The following ZNF362 variants were observed in gnomAD, a reference collection of about 807,000 sequenced individuals.
The protein encoded by ZNF362 is rotund homolog.
A neutral mutation model predicts 42.9 loss-of-function variants in ZNF362; 11 were observed. The ratio of observed to expected loss-of-function variants is 0.26; its 90% CI spans 0.16 to 0.42. The LOEUF (loss-of-function observed/expected upper bound fraction) is 0.42, where lower values mean the gene tolerates loss of function less well. Ranked by LOEUF, ZNF362 falls within the 20% of genes least tolerant of loss-of-function variation. ZNF362 has a pLI of 1.00. For synonymous variants in ZNF362, 255 were observed against 257.3 expected (o/e 0.99, Z 0.09); for missense variants, 362 against 576.2 (o/e 0.63, Z 3.81).
At chr1:33,150,864 T>C in the ZNF362 span, among the ~76,000 whole-genome samples, 149,017 of 152,224 alleles carry the variant, frequency 0.98, 72,972 homozygotes, top group East Asian at 0.99. Context: ...GGTGTGACAG[T>C]GGAGGGGCAG....
At chr1:33,135,044 T>G in the ZNF362 span, among the ~76,000 whole-genome samples, 1 of 152,204 alleles carries the variant, frequency 6.6e-6, no homozygotes, top group African/African-American at 2.4e-5. Context: ...CCCAGCACTT[T>G]GGGAGCCGAT....
chr1:33,295,402 C>T, intron 8 of ZNF362, 97 bp downstream of exon 8: 8 of 1,414,626 alleles, frequency 5.7e-6, no homozygotes, highest in Non-Finnish European at 6.6e-6. Flanking sequence ...CGACTCTTCC[C>T]ATTTTCCAGA....
the ZNF362 span, chr1:33,146,885 A>AC: frequency 2.3e-6 from 1 of 430,224 alleles, no homozygotes; most frequent in Non-Finnish European, 4.2e-6. Flanking sequence ...CCTGCCCCTG[A>AC]GAAGATGGGG....
Position 33,279,805 on chromosome 1 carries a change from C to T in ZNF362, c.350-319C>T, listed in dbSNP as rs576222198. 1.3e-4 allele frequency among the ~76,000 whole-genome samples: 20 copies of T among 152,214 alleles called. 1 individual carries two copies. The highest frequency in any genetic ancestry group is 1.0e-3 in the South Asian group (5 of 4,822). ...GTAGAGGCAATTAATTGCTGTTTAC[C>T]GAATCCTTCCCTAATGTTGCATATT... On this transcript the variant is annotated intron_variant, in intron 4 of 8. Coordinates refer to ENST00000539719, the MANE Select transcript of ZNF362 (RefSeq NM_152493.3).
the ZNF362 span, among the ~76,000 whole-genome samples, chr1:33,218,439 A>T: frequency 6.6e-6 from 1 of 152,190 alleles, no homozygotes; most frequent in Non-Finnish European, 1.5e-5. Context: ...CTCAAAAAAA[A>T]ATGTGAATAT....
At chr1:33,245,869 GA>G in the ZNF362 span, among the ~76,000 whole-genome samples, 1 of 152,202 alleles carries the variant, frequency 6.6e-6, no homozygotes, top group Non-Finnish European at 1.5e-5. Context: ...GAGCCCAAGA[GA>G]TCAAGGCTGC....
intron 1 of ZNF362, among the ~76,000 whole-genome samples, chr1:33,270,208 G>T (rs1361192580): frequency 6.6e-6 from 1 of 152,310 alleles, no homozygotes; most frequent in Middle Eastern, 3.4e-3. Flanking sequence ...TTTGAAGTCT[G>T]GTGGGGAGGA....
the ZNF362 span, among the ~76,000 whole-genome samples, chr1:33,201,143 A>G: frequency 1.3e-5 from 2 of 152,246 alleles, no homozygotes; most frequent in Non-Finnish European, 2.9e-5. Context: ...TGCATGAAGC[A>G]AAAACTGATA....
chr1:33,202,255 A>C, the ZNF362 span, among the ~76,000 whole-genome samples: 1 of 152,256 alleles, frequency 6.6e-6, no homozygotes, highest in Non-Finnish European at 1.5e-5. Context: ...AATATTTTCC[A>C]ATTCATCCTA....
upstream of ZNF362, among the ~76,000 whole-genome samples, chr1:33,252,092 C>G (rs1051344283): frequency 6.6e-6 from 1 of 152,194 alleles, no homozygotes; most frequent in Non-Finnish European, 1.5e-5. Context: ...GTGGCTCACG[C>G]CTGTAATCCC....
chr1:33,241,955 G>A, the ZNF362 span, among the ~76,000 whole-genome samples: 4 of 152,200 alleles, frequency 2.6e-5, no homozygotes, highest in Non-Finnish European at 4.4e-5. Flanking sequence ...GGACTCAGTG[G>A]TATGTGGGGT....
the ZNF362 span, among the ~76,000 whole-genome samples, chr1:33,162,676 G>A: frequency 2.0e-5 from 3 of 152,132 alleles, no homozygotes; most frequent in East Asian, 5.8e-4. Context: ...TCAAGGACGA[G>A]AGAGGATGGG....
rs1645984928 is a variant in ZNF362, at chr1:33,280,464, G to A, written c.683+7G>A. 1.9e-6 allele frequency: 3 copies of A among 1,562,980 alleles called. No individual in the cohort carries two copies. Among genetic ancestry groups the A allele is most frequent in the East Asian group, 2.3e-5 (1 of 42,676 alleles). Reference sequence around the variant, plus strand: ...AGGAGGGCAAGACGTACAGGTGGGGGTCTTGGCGGGATGGGGTCCGAGTGG... The same window carrying A: ...AGGAGGGCAAGACGTACAGGTGGGGATCTTGGCGGGATGGGGTCCGAGTGG... On this transcript the variant is annotated splice_region_variant and intron_variant, in intron 5 of 8. Transcript: ENST00000539719. This position sits in a 1 kb window ranked among gnomAD's most constrained non-coding sequence, Gnocchi z 5.6.
the ZNF362 span, among the ~76,000 whole-genome samples, chr1:33,249,132 T>C: frequency 6.6e-6 from 1 of 152,062 alleles, no homozygotes; most frequent in Admixed American, 6.5e-5. Context: ...CTGAAGATGG[T>C]AGAAGGTCAC....
At chr1:33,158,383 G>A in the ZNF362 span, 1 of 1,610,172 alleles carries the variant, frequency 6.2e-7, no homozygotes, top group Non-Finnish European at 8.5e-7. Flanking sequence ...AAGGAGAGCA[G>A]GAAAGGGGGC....
the ZNF362 span, among the ~76,000 whole-genome samples, chr1:33,150,116 GA>G: frequency 2.0e-5 from 3 of 152,234 alleles, no homozygotes; most frequent in Non-Finnish European, 4.4e-5. Flanking sequence ...GGAGAAGGAG[GA>G]AACTGGGATT....
upstream of ZNF362, among the ~76,000 whole-genome samples, chr1:33,255,676 C>T (rs1270310661): frequency 2.6e-5 from 4 of 152,148 alleles, no homozygotes; most frequent in South Asian, 4.1e-4. Context: ...CCACTGCCAG[C>T]TTCGGGCCGC....
chr1:33,169,323 A>G, the ZNF362 span, among the ~76,000 whole-genome samples: 1 of 151,992 alleles, frequency 6.6e-6, no homozygotes, highest in Non-Finnish European at 1.5e-5. Context: ...CTTGATTCCT[A>G]CCGCCTCCAA....
At chr1:33,150,733 G>A in the ZNF362 span, among the ~76,000 whole-genome samples, 1 of 152,184 alleles carries the variant, frequency 6.6e-6, no homozygotes, top group Admixed American at 6.5e-5. Context: ...GGGTCGGGAG[G>A]TGGGAGTGGG....
Sources: gnomAD v4.1 joint callset for allele counts (sites outside exome capture counted in the v4.1 genomes callset) on GRCh38, gnomAD v4.1.1 for gene constraint, Gnocchi (gnomAD v3.1) non-coding constraint, MANE v1.5 for transcripts, NCBI Gene and HGNC (gene_info 2026-07-23, HGNC 2026-07-21) for gene names.